CSMD1: variants seen among roughly 807,000 people sequenced by gnomAD.
CSMD1 encodes the protein CUB and sushi domain-containing protein 1.
A neutral mutation model predicts 417.5 loss-of-function variants in CSMD1; 213 were observed. The ratio of observed to expected loss-of-function variants is 0.51; its 90% CI spans 0.46 to 0.57. CSMD1 has a LOEUF of 0.57. CSMD1 is among the 20% of genes least tolerant of loss of function. The probability of loss-of-function intolerance (pLI) is 0.00; values close to 1 mark genes in which losing one functional copy is unlikely to be tolerated. For synonymous variants in CSMD1, 2,862 were observed against 1,736.8 expected (o/e 1.65, Z -16.11); for missense variants, 6,923 against 4,529.7 (o/e 1.53, Z -15.17).
chr8:4,233,991 G>C (rs1252878328), intron 3 of CSMD1, among the ~76,000 whole-genome samples: 2 of 152,050 alleles, frequency 1.3e-5, no homozygotes. Flanking sequence ...GGGAACATGT[G>C]ATCCCTTCTG....
chr8:4,584,210 G>C (rs190532528), intron 2 of CSMD1, among the ~76,000 whole-genome samples: 267 of 152,146 alleles, frequency 1.8e-3, no homozygotes, highest in African/African-American at 5.8e-3. Flanking sequence ...CTTGAAGCTA[G>C]TGAGACCAAG....
At chr8:3,340,668 T>G (rs73171195) in intron 23 of CSMD1, among the ~76,000 whole-genome samples, 2,650 of 152,296 alleles carry the variant, frequency 0.017, 41 homozygotes, top group Non-Finnish European at 0.027. Context: ...TTGATGACCT[T>G]GGGGAGCTGG....
At chr8:3,655,304 T>C (rs917706263) in intron 7 of CSMD1, among the ~76,000 whole-genome samples, 56 of 152,316 alleles carry the variant, frequency 3.7e-4, no homozygotes, top group African/African-American at 1.3e-3. Context: ...GCATGATCCT[T>C]CAATTTCTTA....
intron 26 of CSMD1, among the ~76,000 whole-genome samples, chr8:3,249,920 T>C (rs1313005459): frequency 6.6e-6 from 1 of 152,164 alleles, no homozygotes; most frequent in African/African-American, 2.4e-5. Context: ...ATTATAGACA[T>C]GAAATAAATG....
At chr8:4,203,109 T>G (rs961531008) in intron 3 of CSMD1, among the ~76,000 whole-genome samples, 7 of 152,230 alleles carry the variant, frequency 4.6e-5, no homozygotes, top group African/African-American at 1.7e-4. Context: ...GTGGGTTCCC[T>G]GTTGTCATAA....
At chr8:3,694,065 T>A (rs67355116) in intron 7 of CSMD1, among the ~76,000 whole-genome samples, 1 of 151,120 alleles carries the variant, frequency 6.6e-6, no homozygotes, top group East Asian at 2.0e-4. Context: ...AGTGTGTGTG[T>A]GTTGTGTGTG....
chr8:4,305,377 T>G (rs1049549538), intron 3 of CSMD1, among the ~76,000 whole-genome samples: 3 of 152,018 alleles, frequency 2.0e-5, no homozygotes, highest in African/African-American at 7.2e-5. Context: ...CTTGCAGGGA[T>G]AGAGCAAGAG....
At chr8:3,085,735 C>T (rs901318850) in intron 49 of CSMD1, among the ~76,000 whole-genome samples, 7 of 152,174 alleles carry the variant, frequency 4.6e-5, no homozygotes, top group African/African-American at 1.7e-4. Flanking sequence ...TCCTTTAATC[C>T]TTCTCAACCA....
intron 3 of CSMD1, among the ~76,000 whole-genome samples, chr8:4,211,602 T>G (rs1020866298): frequency 6.6e-6 from 1 of 152,216 alleles, no homozygotes; most frequent in Admixed American, 6.5e-5. Flanking sequence ...AAAAGTCATC[T>G]CCAAGTTGCT....
chr8:3,982,160 A>AAAAAAT (rs1252631240), intron 5 of CSMD1, among the ~76,000 whole-genome samples: 3 of 89,526 alleles, frequency 3.4e-5, no homozygotes, highest in African/African-American at 8.9e-5. Context: ...TCTATCTCAA[A>AAAAAAT]AATAATAATA....
intron 23 of CSMD1, among the ~76,000 whole-genome samples, chr8:3,337,684 C>T (rs148056124): frequency 7.2e-5 from 11 of 152,254 alleles, no homozygotes; most frequent in African/African-American, 2.2e-4. Context: ...ACCAGTCTTG[C>T]GTCTGCTGAG....
At chr8:4,814,287 C>T (rs772592976) in intron 1 of CSMD1, among the ~76,000 whole-genome samples, 1 of 152,124 alleles carries the variant, frequency 6.6e-6, no homozygotes, top group Non-Finnish European at 1.5e-5. Flanking sequence ...CTCTTAATGG[C>T]CAGGCTGGAG....
At chr8:4,897,943 C>T (rs1804613876) in intron 1 of CSMD1, among the ~76,000 whole-genome samples, 1 of 152,054 alleles carries the variant, frequency 6.6e-6, no homozygotes, top group South Asian at 2.1e-4. Context: ...AAACATAAGT[C>T]TAATTTTTAT....
chr8:4,687,499 C>A lies in CSMD1; in HGVS notation c.86-49941G>T, dbSNP rs112212390. On this transcript the variant is annotated intron_variant, in intron 1 of 69. Coordinates refer to ENST00000635120, the MANE Select transcript of CSMD1 (RefSeq NM_033225.6). ...TTAGAAGCAAATTGTAGAAGAGATG[C>A]CAGAAGACACGATCTCTGGGAAGGT... Among the ~76,000 whole-genome samples, 299 of 152,136 alleles carry A rather than the reference C, an allele frequency of 2.0e-3. 1 individual carries two copies. The highest frequency in any genetic ancestry group is 6.7e-3 in the African/African-American group (278 of 41,512).
intron 1 of CSMD1, among the ~76,000 whole-genome samples, chr8:4,722,547 C>A (rs929436823): frequency 9.9e-5 from 15 of 152,066 alleles, no homozygotes; most frequent in African/African-American, 3.6e-4. Context: ...TGGGGTAGAA[C>A]TTTCCAAATG....
intron 3 of CSMD1, among the ~76,000 whole-genome samples, chr8:4,188,229 C>T (rs977130856): frequency 1.3e-5 from 2 of 152,132 alleles, no homozygotes; most frequent in Non-Finnish European, 2.9e-5. Flanking sequence ...AAATTTGACT[C>T]TGAGGACCCA....
chr8:4,220,249 T>C (rs1309856627), intron 3 of CSMD1, among the ~76,000 whole-genome samples: 1 of 152,194 alleles, frequency 6.6e-6, no homozygotes, highest in East Asian at 1.9e-4. Context: ...CCATGCCCAG[T>C]CTCAAGATAA....
chr8:4,070,516 G>C lies in CSMD1; in HGVS notation c.416-38417C>G, dbSNP rs545169780. 8.7e-3 allele frequency among the ~76,000 whole-genome samples: 1,328 copies of C among 151,994 alleles called. 25 individuals carry two copies. Among genetic ancestry groups the C allele is most frequent in the African/African-American group, 0.03 (1,253 of 41,464 alleles). ...GGGACTACAGGCGCCCGCCACCACG[G>C]CCGGCTATTTTTTTGTATTTTTAGT... On this transcript the variant is annotated intron_variant, in intron 3 of 69. Coordinates refer to ENST00000635120, the MANE Select transcript of CSMD1 (RefSeq NM_033225.6).
intron 11 of CSMD1, among the ~76,000 whole-genome samples, chr8:3,471,580 C>CCCCT (rs1817103444): frequency 7.4e-6 from 1 of 134,880 alleles, no homozygotes; most frequent in Non-Finnish European, 1.6e-5. Context: ...TTCTTCCTCT[C>CCCCT]TCCTTCCTTC....
Sources: gnomAD v4.1 joint callset for allele counts (sites outside exome capture counted in the v4.1 genomes callset) on GRCh38, gnomAD v4.1.1 for gene constraint, MANE v1.5 for transcripts, NCBI Gene and HGNC (gene_info 2026-07-23, HGNC 2026-07-21) for gene names.